The following GP6 variants were observed in gnomAD, a reference collection of about 807,000 sequenced individuals.
The protein encoded by GP6 is platelet glycoprotein VI.
Under a neutral mutation model 37.3 loss-of-function variants are expected in GP6, and 45 were observed. The ratio of observed to expected loss-of-function variants is 1.21; its 90% CI spans 0.95 to 1.55. GP6 has a LOEUF of 1.55. Ranked by LOEUF, GP6 falls within the 40% of genes most tolerant of loss-of-function variation. GP6 has a pLI of 0.00. For synonymous variants in GP6, 340 were observed against 316.4 expected, an observed-to-expected ratio of 1.07 and a Z score of -0.79; for missense variants, 813 against 760.2, an observed-to-expected ratio of 1.07 and a Z score of -0.82.
chr19:55,019,107 CTTTTTTT>C (rs538058206), intron 5 of GP6, among the ~76,000 whole-genome samples: 1 of 132,878 alleles, frequency 7.5e-6, no homozygotes, highest in Non-Finnish European at 1.6e-5. Context: ...TCTTTTTTTT[CTTTTTTT>C]TTTTTTTTTG....
chr19:55,038,241 C>T lies in GP6; in HGVS notation c.-5G>A. 6.3e-7 allele frequency: 1 copy of T among 1,586,372 alleles called. No homozygotes were observed. Among genetic ancestry groups the T allele is most frequent in the Non-Finnish European group, 8.6e-7 (1 of 1,165,144 alleles). On this transcript the variant is annotated 5_prime_UTR_variant, in exon 1 of 8. Transcript: ENST00000310373. ...GGCGGTCGGGGATGGAGACATGGTT[C>T]CTCAGCCCTGTCCTGAGCTCTGTGG...
intron 6 of GP6, among the ~76,000 whole-genome samples, chr19:55,017,174 T>G (rs1318554333): frequency 1.3e-5 from 2 of 151,490 alleles, no homozygotes; most frequent in African/African-American, 4.9e-5. Flanking sequence ...TGGAGTGCTG[T>G]GGTGTGATCT....
chr19:55,029,100 G>GAGGA lies in GP6; in HGVS notation c.326-1242_326-1239dup, dbSNP rs200038195. Among the ~76,000 whole-genome samples the GAGGA allele has an allele frequency of 2.2e-3, 321 of 146,266 alleles. 3 individuals are homozygous for GAGGA. Among genetic ancestry groups the GAGGA allele is most frequent in the Non-Finnish European group, 2.8e-3 (185 of 66,448 alleles). On this transcript the variant is annotated intron_variant, in intron 3 of 7. Transcript: ENST00000310373. ...CTCAACAAGAAGAAAAAGAAAGAAAGAGGAAGGAAGGGAGGGAGGGAGGAA... is the reference window on the plus strand; with the variant it reads ...CTCAACAAGAAGAAAAAGAAAGAAAGAGGAAGGAAGGAAGGGAGGGAGGGAGGAA...
intron 3 of GP6, 105 bp downstream of exon 3, chr19:55,032,034 C>A (rs770334323): frequency 7.1e-5 from 79 of 1,110,278 alleles, no homozygotes; most frequent in Non-Finnish European, 1.0e-4. Context: ...CCCGCTAGGC[C>A]AGTGCCTCGT....
At chr19:55,016,978 C>G (rs777188619) in intron 6 of GP6, among the ~76,000 whole-genome samples, 1 of 151,968 alleles carries the variant, frequency 6.6e-6, no homozygotes, top group Admixed American at 6.6e-5. Flanking sequence ...GAGCTGAGAT[C>G]GCAGAGTGAG....
intron 3 of GP6, 113 bp from the exon 4 acceptor site, chr19:55,027,975 C>CA (rs2146824405): frequency 9.8e-7 from 1 of 1,019,630 alleles, no homozygotes; most frequent in African/African-American, 1.6e-5. Context: ...GTATCCCTCC[C>CA]AGAGAGCGCA....
At chr19:55,038,160 GCCTGT>G in intron 1 of GP6, 38 bp downstream of exon 1, 1 of 1,499,402 alleles carries the variant, frequency 6.7e-7, no homozygotes, top group South Asian at 1.2e-5. Flanking sequence ...GGCAGTCCAT[GCCTGT>G]CCTTCAGCAT....
At chr19:55,037,280 C>T (rs1468603398) in intron 1 of GP6, among the ~76,000 whole-genome samples, 1 of 152,044 alleles carries the variant, frequency 6.6e-6, no homozygotes, top group African/African-American at 2.4e-5. Flanking sequence ...TACTCCACTA[C>T]TGTAGGGGAT....
rs186103270 is a variant in GP6, at chr19:55,014,902, C to T, written c.1043G>A (p.Arg348Gln). The T allele has an allele frequency of 9.6e-5, 155 of 1,613,756 alleles. No individual in the cohort carries two copies. In the African/African-American group the frequency reaches 1.7e-3, roughly 18 times the overall value. ...CCATGATCCCTCCCTTGGATACGAC[C>T]GTGCCTGGGGTTCAGCGGTCATGAA... The change falls in exon 8 of 8, where the codon CGG becomes CAG. Residue 348 changes from arginine (R) to glutamine (Q), a missense_variant. Transcript: ENST00000310373.
chr19:55,029,352 ATATATATATATATATATATATATTTTTT>A (rs1568628863), intron 3 of GP6, among the ~76,000 whole-genome samples: 33 of 2,620 alleles, frequency 0.013, no homozygotes, highest in Non-Finnish European at 0.016. Flanking sequence ...ATATATATAT[ATATATATATATATATATATATATTTTTT>A]TTTTTTTTTT....
At chr19:55,033,452 GCGGTGGGCTCGTTCGTGTTGTGTTAGACA>G (rs1568644221) in intron 1 of GP6, among the ~76,000 whole-genome samples, 49 of 125,498 alleles carry the variant, frequency 3.9e-4, no homozygotes, top group South Asian at 1.3e-3. Flanking sequence ...CGTGTTAGAC[GCGGTGGGCTCGTTCGTGTTGTGTTAGACA>G]CGGTGGGCTC....
chr19:55,020,096 G>T (rs1399315339), intron 5 of GP6, among the ~76,000 whole-genome samples: 2 of 151,632 alleles, frequency 1.3e-5, no homozygotes, highest in Non-Finnish European at 2.9e-5. Flanking sequence ...TTTTATGGTG[G>T]AACCAGCTTG....
At chr19:55,029,374 A>ATTTTT (rs1160805363) in intron 3 of GP6, among the ~76,000 whole-genome samples, 1 of 4,436 alleles carries the variant, frequency 2.3e-4, no homozygotes, top group Non-Finnish European at 4.1e-4. Context: ...ATATATATAT[A>ATTTTT]TTTTTTTTTT....
chr19:55,024,309 T>TGCACGCACACGCACATGCACGCACAC (rs1357661954), intron 5 of GP6, among the ~76,000 whole-genome samples: 50,607 of 129,082 alleles, frequency 0.39, 10,488 homozygotes, highest in East Asian at 0.61. Context: ...TGCACACACA[T>TGCACGCACACGCACATGCACGCACAC]ATGCACGCAC....
In GP6 at chr19:55,015,061, G is replaced by A. The variant is rs201753264; in HGVS notation, c.884C>T (p.Pro295Leu). The A allele has an allele frequency of 2.8e-5, 45 of 1,606,034 alleles. No individual in the cohort carries two copies. In the African/African-American group the frequency reaches 4.8e-4, roughly 17 times the overall value. ...CCCCTGTGCCGCAGGCGCTTCCTCC[G>A]GCTGTGCCAGTCCTCTGCCAGAAAC... The change falls in exon 8 of 8, where the codon CCG becomes CTG. Residue 295 changes from proline to leucine, a missense_variant. Pro to Leu is a moderately conservative substitution (Grantham distance 98). Coordinates refer to ENST00000310373, the MANE Select transcript of GP6 (RefSeq NM_001083899.2).
chr19:55,024,623 G>A, intron 5 of GP6, among the ~76,000 whole-genome samples: 1 of 152,140 alleles, frequency 6.6e-6, no homozygotes, highest in East Asian at 1.9e-4. Flanking sequence ...AAGTGGAGGG[G>A]ATAACACGCC....
At chr19:55,018,230 G>A (rs1294184638) in intron 6 of GP6, among the ~76,000 whole-genome samples, 1 of 152,198 alleles carries the variant, frequency 6.6e-6, no homozygotes, top group Non-Finnish European at 1.5e-5. Context: ...AAGAGACTGA[G>A]GAAAGCGTAT....
chr19:55,034,174 GTGTA>G (rs2074732688), intron 1 of GP6, among the ~76,000 whole-genome samples: 1 of 145,788 alleles, frequency 6.9e-6, no homozygotes, highest in Non-Finnish European at 1.5e-5. Context: ...GTGTGTGTGT[GTGTA>G]TACATATGTA....
chr19:55,024,550 G>A (rs561762460), intron 5 of GP6, among the ~76,000 whole-genome samples: 9 of 152,256 alleles, frequency 5.9e-5, no homozygotes, highest in Admixed American at 4.6e-4. Flanking sequence ...CCAGCCTAGC[G>A]TATGATATTC....
Sources: allele counts gnomAD v4.1 joint callset (sites outside exome capture counted in the v4.1 genomes callset), GRCh38; gene constraint gnomAD v4.1.1; transcripts MANE v1.5; gene names NCBI Gene and HGNC (gene_info 2026-07-23, HGNC 2026-07-21).